Variants in AGPAT3 observed in about 807,000 individuals in gnomAD.
The protein encoded by AGPAT3 is 1-acylglycerol-3-phosphate O-acyltransferase 3.
AGPAT3 carries 5 observed loss-of-function variants against 47.3 expected under a neutral mutation model. The observed-to-expected ratio is 0.11, with a 90% CI of 0.06 to 0.22. The LOEUF (loss-of-function observed/expected upper bound fraction) is 0.22, where lower values mean the gene tolerates loss of function less well. Among genes scored for constraint, AGPAT3 ranks in the 10% least tolerant of loss-of-function variants. The pLI is 1.00. For synonymous variants in AGPAT3, 212 were observed against 208.3 expected (o/e 1.02, Z -0.15); for missense variants, 315 against 493.0 (o/e 0.64, Z 3.42).
At position 43,982,415 on chromosome 21, in the gene AGPAT3, C is replaced by T. The variant is rs374764288; in HGVS notation, c.*23C>T. The T allele has an allele frequency of 3.8e-5, 60 of 1,566,064 alleles. No individual in the cohort carries two copies. The African/African-American group carries it at 4.2e-4, about 11-fold the overall frequency. ...TAATTAATGGCTGTGACTGAACACA[C>T]GCGGCCCTGACGGTGGTATCCAGTT... On this transcript the variant is annotated 3_prime_UTR_variant, in exon 10 of 10. Transcript: ENST00000291572. The surrounding 1 kb of genome is among the most constrained non-coding windows in gnomAD (Gnocchi z 6.2).
rs1362183128 is a variant in AGPAT3 at position 43,981,058 on chromosome 21, C to G, written c.913C>G (p.Pro305Ala). Reference protein sequence around the residue: ...PGEQFKPARRPWTLLNFLSWA... With the variant: ...PGEQFKPARRAWTLLNFLSWA... ...GGAGCAGTTTAAGCCTGCCCGGAGG[C>G]CGTGGACCCTCCTGAACTTCCTGTC... Residue 305 changes from proline to alanine, a missense_variant, in exon 9 of 10, where the codon CCG becomes GCG. Coordinates refer to ENST00000291572, the MANE Select transcript of AGPAT3 (RefSeq NM_020132.5). This position sits in a 1 kb window ranked among gnomAD's most constrained non-coding sequence, Gnocchi z 5.3. 6.2e-7 allele frequency: 1 copy of G among 1,614,186 alleles called. No individual in the cohort carries two copies. The highest frequency in any genetic ancestry group is 1.3e-5 in the African/African-American group (1 of 75,034).
chr21:43,877,988 C>A (rs1156839300), intron 1 of AGPAT3, among the ~76,000 whole-genome samples: 2 of 152,094 alleles, frequency 1.3e-5, no homozygotes, highest in African/African-American at 4.8e-5. Context: ...TCGCTTTCGA[C>A]TGAGACTGCC....
chr21:43,957,320 G>T (rs970124480), intron 2 of AGPAT3, among the ~76,000 whole-genome samples: 2 of 152,174 alleles, frequency 1.3e-5, no homozygotes, highest in Non-Finnish European at 2.9e-5. Flanking sequence ...GGCAGCTGGC[G>T]GTGTGGAACA....
chr21:43,872,411 C>T (rs1601185171), intron 1 of AGPAT3, among the ~76,000 whole-genome samples: 1 of 152,242 alleles, frequency 6.6e-6, no homozygotes, highest in South Asian at 2.1e-4. Context: ...GAACTCCTGA[C>T]CTCAAGTGAT....
In AGPAT3 at chr21:43,895,971, T is replaced by C. The variant is rs549859458; in HGVS notation, c.-111-7986T>C. 6.0e-4 allele frequency among the ~76,000 whole-genome samples: 91 copies of C among 152,342 alleles called. 1 individual carries two copies. Among genetic ancestry groups the C allele is most frequent in the African/African-American group, 2.1e-3 (88 of 41,586 alleles). ...TTAGTAGAGACAGGGTTTCACCATA[T>C]TGGCCAGGCTGGTCCCGAACTCCTG... On this transcript the variant is annotated intron_variant, in intron 1 of 9. Coordinates refer to ENST00000291572, the MANE Select transcript of AGPAT3 (RefSeq NM_020132.5).
chr21:43,870,222 T>A (rs2085594002), intron 1 of AGPAT3, among the ~76,000 whole-genome samples: 1 of 152,196 alleles, frequency 6.6e-6, no homozygotes, highest in African/African-American at 2.4e-5. Flanking sequence ...ACTACAGCGA[T>A]CAGGACACAC....
intron 1 of AGPAT3, among the ~76,000 whole-genome samples, chr21:43,872,539 G>A (rs543991505): frequency 8.5e-5 from 13 of 152,320 alleles, no homozygotes; most frequent in African/African-American, 3.1e-4. Context: ...CTGTAGAAAT[G>A]CAGTTGACTT....
chr21:43,876,512 C>T (rs937048290), intron 1 of AGPAT3, among the ~76,000 whole-genome samples: 1 of 152,216 alleles, frequency 6.6e-6, no homozygotes, highest in African/African-American at 2.4e-5. Context: ...TTACTTTAGG[C>T]TGATTTCCTG....
In AGPAT3 at chr21:43,880,724, C is replaced by T. The variant is rs868748408; in HGVS notation, c.-112+15379C>T. 2.0e-5 allele frequency among the ~76,000 whole-genome samples: 3 copies of T among 152,190 alleles called. No homozygotes were observed. Among genetic ancestry groups the T allele is most frequent in the South Asian group, 2.1e-4 (1 of 4,834 alleles). On this transcript the variant is annotated intron_variant, in intron 1 of 9. Transcript: ENST00000291572. The surrounding 1 kb of genome is among the most constrained non-coding windows in gnomAD (Gnocchi z 4.5). ...TGTTATTTCCACTCACATATATCTC[C>T]CCAAAGTGGAAACAAGGACACGTCT...
At chr21:43,900,292 C>G (rs996567569) in intron 1 of AGPAT3, among the ~76,000 whole-genome samples, 1 of 152,214 alleles carries the variant, frequency 6.6e-6, no homozygotes, top group East Asian at 1.9e-4. Context: ...CCAGCTTGCA[C>G]TTCTAGCCAT....
intron 1 of AGPAT3, among the ~76,000 whole-genome samples, chr21:43,902,417 T>C (rs2146015218): frequency 6.6e-6 from 1 of 152,324 alleles, no homozygotes; most frequent in East Asian, 1.9e-4. Flanking sequence ...TCTTTGTCAA[T>C]TTGGGCTGCT....
chr21:43,939,998 G>T lies in AGPAT3; in HGVS notation c.-48-19636G>T, dbSNP rs2087604104. Among the ~76,000 whole-genome samples the T allele has an allele frequency of 6.6e-6, 1 of 152,244 alleles. No homozygotes were observed. Among genetic ancestry groups the T allele is most frequent in the Non-Finnish European group, 1.5e-5 (1 of 68,032 alleles). On this transcript the variant is annotated intron_variant, in intron 2 of 9. Coordinates refer to ENST00000291572, the MANE Select transcript of AGPAT3 (RefSeq NM_020132.5). The surrounding 1 kb of genome is among the most constrained non-coding windows in gnomAD (Gnocchi z 4.4). ...TGTCCTGCTTCAGCGCGCTCCTGGG[G>T]TCCCTTGAGTTGGTCTCTGTGACTA...
intron 1 of AGPAT3, among the ~76,000 whole-genome samples, chr21:43,887,337 C>A (rs1470558984): frequency 6.6e-6 from 1 of 152,194 alleles, no homozygotes; most frequent in Non-Finnish European, 1.5e-5. Flanking sequence ...AGCCTAGGAA[C>A]CTGGATTAGA....
chr21:43,932,617 C>T lies in AGPAT3; in HGVS notation c.-48-27017C>T, dbSNP rs917149677. On this transcript the variant is annotated intron_variant, in intron 2 of 9. Transcript: ENST00000291572. This position sits in a 1 kb window ranked among gnomAD's most constrained non-coding sequence, Gnocchi z 5.2. ...ACACTGATTTCAGTTCCTTTAGATA[C>T]ATACCCAGAAGTGGGATTGCCGGAC... is the stretch of plus-strand genomic sequence containing the variant. 6.6e-6 allele frequency among the ~76,000 whole-genome samples: 1 copy of T among 152,184 alleles called. No homozygotes were observed. Among genetic ancestry groups the T allele is most frequent in the African/African-American group, 2.4e-5 (1 of 41,438 alleles).
intron 2 of AGPAT3, among the ~76,000 whole-genome samples, chr21:43,943,368 C>T (rs562649606): frequency 1.3e-5 from 2 of 152,316 alleles, no homozygotes; most frequent in Admixed American, 6.5e-5. Flanking sequence ...GCCACTGCGC[C>T]CACCCGGGAC....
At position 43,952,790 on chromosome 21, in the gene AGPAT3, C is replaced by A. The variant is rs537051524; in HGVS notation, c.-48-6844C>A. Among the ~76,000 whole-genome samples the A allele has an allele frequency of 2.0e-5, 3 of 152,154 alleles. No homozygotes were observed. In the South Asian group the frequency reaches 6.2e-4, roughly 32 times the overall value. ...CAGCCATGAAAAGGTGCCATGGGGACTGGAGAGGCCCACTGTCACACCTCC... is the reference window on the plus strand; with the variant it reads ...CAGCCATGAAAAGGTGCCATGGGGAATGGAGAGGCCCACTGTCACACCTCC... On this transcript the variant is annotated intron_variant, in intron 2 of 9. Coordinates refer to ENST00000291572, the MANE Select transcript of AGPAT3 (RefSeq NM_020132.5). This position sits in a 1 kb window ranked among gnomAD's most constrained non-coding sequence, Gnocchi z 5.6.
At chr21:43,884,231 C>G (rs1203409040) in intron 1 of AGPAT3, among the ~76,000 whole-genome samples, 6 of 151,912 alleles carry the variant, frequency 3.9e-5, no homozygotes, top group African/African-American at 7.3e-5. Context: ...TCCTCCTCTC[C>G]TCTTCCCCAC....
In AGPAT3 at chr21:43,962,031, C is replaced by T. The variant is rs183179756; in HGVS notation, c.178+2172C>T. Among the ~76,000 whole-genome samples, 9 of 148,646 alleles carry T rather than the reference C, an allele frequency of 6.1e-5. No individual in the cohort carries two copies. In the East Asian group the frequency reaches 1.6e-3, roughly 26 times the overall value. On this transcript the variant is annotated intron_variant, in intron 3 of 9. Coordinates refer to ENST00000291572, the MANE Select transcript of AGPAT3 (RefSeq NM_020132.5). ...TTTTTTTTTTTTTGAGACTGAGTCT[C>T]GCTCTGTTGCCCAGGCTGGAGTGCA...
intron 2 of AGPAT3, among the ~76,000 whole-genome samples, chr21:43,949,773 G>A (rs769550537): frequency 2.0e-5 from 3 of 152,202 alleles, no homozygotes; most frequent in Admixed American, 1.3e-4. Context: ...CTTTTGTTTA[G>A]GTATTTTCTC....
Sources: gnomAD v4.1 joint callset for allele counts (sites outside exome capture counted in the v4.1 genomes callset) on GRCh38, gnomAD v4.1.1 for gene constraint, Gnocchi (gnomAD v3.1) non-coding constraint, MANE v1.5 for transcripts, NCBI Gene and HGNC (gene_info 2026-07-23, HGNC 2026-07-21) for gene names.